Variants in INTS9 observed in about 807,000 individuals in gnomAD.
The protein encoded by INTS9 is protein related to CPSF subunits of 74 kDa.
Under a neutral mutation model 79.7 loss-of-function variants are expected in INTS9, and 55 were observed. That is an observed-to-expected ratio of 0.69 (90% confidence interval 0.56 to 0.86). INTS9 has a LOEUF of 0.86. INTS9 is among the 40% of genes least tolerant of loss of function. The pLI is 0.00. For missense variants in INTS9, 721 were observed against 831.5 expected (o/e 0.87, Z 1.64); for synonymous variants, 319 against 325.2 (o/e 0.98, Z 0.20).
chr8:28,864,217 A>G (rs1022894562), intron 1 of INTS9, among the ~76,000 whole-genome samples: 2 of 152,224 alleles, frequency 1.3e-5, no homozygotes, highest in African/African-American at 4.8e-5. Context: ...GGTGGCACAC[A>G]ACAGATGCCA....
Position 28,846,750 on chromosome 8 carries a change from T to C in INTS9, c.258A>G (p.Pro86=). The C allele has an allele frequency of 6.2e-7, 1 of 1,610,528 alleles. No homozygotes were observed. Among genetic ancestry groups the C allele is most frequent in the East Asian group, 2.2e-5 (1 of 44,864 alleles). The change falls in exon 4 of 17, where the codon CCA becomes CCG. Residue 86 remains proline (P), a synonymous_variant. Coordinates refer to ENST00000521022, the MANE Select transcript of INTS9 (RefSeq NM_018250.4). ...ATAAGATTCACCTTAATCTTACCTCTGGTAAACAGAATTCCGGCACAGAAT... is the reference window on the plus strand; with the variant it reads ...ATAAGATTCACCTTAATCTTACCTCCGGTAAACAGAATTCCGGCACAGAAT... ...FVDSVPEFCL[P]ETELIDLSTV... is the part of the protein sequence containing the mutation.
chr8:28,786,072 T>C (rs1803568856), intron 11 of INTS9, among the ~76,000 whole-genome samples: 1 of 152,202 alleles, frequency 6.6e-6, no homozygotes, highest in Non-Finnish European at 1.5e-5. Context: ...TATTGTGTTT[T>C]TGAACTTTTA....
intron 1 of INTS9, among the ~76,000 whole-genome samples, chr8:28,875,982 C>T (rs543560829): frequency 3.9e-4 from 60 of 152,314 alleles, no homozygotes; most frequent in African/African-American, 1.4e-3. Context: ...TTTCCTCCTA[C>T]TGGATACATA....
chr8:28,871,200 C>T (rs985676963), intron 1 of INTS9, among the ~76,000 whole-genome samples: 11 of 152,058 alleles, frequency 7.2e-5, no homozygotes, highest in Non-Finnish European at 8.8e-5. Context: ...TGGGAGAGAA[C>T]GGAAGCAGTA....
At chr8:28,797,442 G>A (rs1284366638) in intron 8 of INTS9, among the ~76,000 whole-genome samples, 1 of 152,086 alleles carries the variant, frequency 6.6e-6, no homozygotes, top group Non-Finnish European at 1.5e-5. Context: ...CCTATAAAAT[G>A]GGGCTATTTC....
At chr8:28,884,167 T>G (rs1460368601) in intron 1 of INTS9, among the ~76,000 whole-genome samples, 1 of 108,350 alleles carries the variant, frequency 9.2e-6, no homozygotes, top group African/African-American at 3.4e-5. Context: ...CATCAGTGTA[T>G]CTTTTTTTTT....
chr8:28,787,962 C>T (rs1585353450), intron 10 of INTS9, 73 bp from the exon 11 acceptor site: 1 of 979,336 alleles, frequency 1.0e-6, no homozygotes, highest in African/African-American at 1.6e-5. Context: ...CTAGTGGCAG[C>T]AGTGCAAATA....
intron 2 of INTS9, among the ~76,000 whole-genome samples, chr8:28,858,628 C>T (rs994920651): frequency 6.6e-6 from 1 of 152,160 alleles, no homozygotes; most frequent in Non-Finnish European, 1.5e-5. Context: ...TCAGAAAAAT[C>T]AATAGCTGAT....
intron 6 of INTS9, among the ~76,000 whole-genome samples, chr8:28,828,072 G>A (rs1289106753): frequency 6.6e-6 from 1 of 152,130 alleles, no homozygotes; most frequent in African/African-American, 2.4e-5. Context: ...AAGCACTGCC[G>A]CTCTCTGAGG....
chr8:28,885,698 T>C (rs1334222155), intron 1 of INTS9, among the ~76,000 whole-genome samples: 2 of 152,234 alleles, frequency 1.3e-5, no homozygotes, highest in Non-Finnish European at 2.9e-5. Flanking sequence ...ACTTAATTTC[T>C]GTCAACGTGC....
At chr8:28,789,592 C>T (rs1316243799) in intron 10 of INTS9, among the ~76,000 whole-genome samples, 2 of 152,172 alleles carry the variant, frequency 1.3e-5, no homozygotes, top group Admixed American at 6.5e-5. Flanking sequence ...TCTTCCACTG[C>T]TTGTTCAAAA....
intron 1 of INTS9, among the ~76,000 whole-genome samples, chr8:28,874,298 T>G (rs562846649): frequency 1.1e-3 from 174 of 152,010 alleles, no homozygotes; most frequent in Admixed American, 3.1e-3. Flanking sequence ...TGTTTTTTTT[T>G]TTTTGTTTTG....
rs1052781023 is a variant in INTS9, at chr8:28,775,263, C to T, written c.1563+496G>A. ...GGTAAGGAGCAGTCCTGACTAACAG[C>T]TGTTATTTTATTAGTTGAAAAACAA... On this transcript the variant is annotated intron_variant, in intron 14 of 16. Coordinates refer to ENST00000521022, the MANE Select transcript of INTS9 (RefSeq NM_018250.4). Among the ~76,000 whole-genome samples the T allele has an allele frequency of 1.3e-5, 2 of 152,160 alleles. 1 individual carries two copies. Among genetic ancestry groups the T allele is most frequent in the African/African-American group, 4.8e-5 (2 of 41,432 alleles).
chr8:28,786,719 TC>T (rs1206044634), intron 11 of INTS9, among the ~76,000 whole-genome samples: 1 of 152,148 alleles, frequency 6.6e-6, no homozygotes, highest in Non-Finnish European at 1.5e-5. Flanking sequence ...CTGTCAGTTT[TC>T]TTTTTTTCTT....
intron 1 of INTS9, among the ~76,000 whole-genome samples, chr8:28,876,955 G>A (rs926445630): frequency 6.6e-5 from 10 of 151,812 alleles, no homozygotes; most frequent in Non-Finnish European, 1.3e-4. Flanking sequence ...AAGAAATAAA[G>A]GAAAAGACAT....
At chr8:28,888,154 C>T (rs1810261612) in intron 1 of INTS9, among the ~76,000 whole-genome samples, 1 of 152,176 alleles carries the variant, frequency 6.6e-6, no homozygotes, top group Non-Finnish European at 1.5e-5. Context: ...CTTATCAGTT[C>T]AAGAGTCACG....
intron 4 of INTS9, among the ~76,000 whole-genome samples, chr8:28,839,878 T>C (rs1268300363): frequency 1.4e-5 from 2 of 147,594 alleles, no homozygotes; most frequent in Non-Finnish European, 3.0e-5. Context: ...GACATAGGCA[T>C]GGGCAAGGAC....
At chr8:28,862,999 C>T (rs925849474) in intron 1 of INTS9, among the ~76,000 whole-genome samples, 9 of 152,144 alleles carry the variant, frequency 5.9e-5, no homozygotes, top group South Asian at 2.1e-4. Context: ...AGCAGAGTTG[C>T]TGGGAGGACT....
chr8:28,794,481 C>T (rs936495097), intron 9 of INTS9, among the ~76,000 whole-genome samples: 1 of 152,164 alleles, frequency 6.6e-6, no homozygotes, highest in Non-Finnish European at 1.5e-5. Context: ...CACCTAGATG[C>T]TATAACTTGA....
Sources: gnomAD v4.1 joint callset for allele counts (sites outside exome capture counted in the v4.1 genomes callset) on GRCh38, gnomAD v4.1.1 for gene constraint, MANE v1.5 for transcripts, NCBI Gene and HGNC (gene_info 2026-07-23, HGNC 2026-07-21) for gene names.